The following BDP1 variants were observed in gnomAD, a reference collection of about 807,000 sequenced individuals.
BDP1 encodes the protein BDP1 general transcription factor IIIB subunit.
BDP1 carries 169 observed loss-of-function variants against 266.6 expected under a neutral mutation model. That is an observed-to-expected ratio of 0.63 (90% CI 0.56 to 0.72). BDP1 has a LOEUF of 0.72. Ranked by LOEUF, BDP1 falls within the 30% of genes least tolerant of loss-of-function variation. The probability of loss-of-function intolerance (pLI) is 0.00; values close to 1 mark genes in which losing one functional copy is unlikely to be tolerated. For synonymous variants in BDP1, 1,090 were observed against 1,022.4 expected (o/e 1.07, Z -1.26); for missense variants, 3,015 against 3,053.8 (o/e 0.99, Z 0.30).
At chr5:71,478,240 A>G (rs1024301621) in intron 7 of BDP1, among the ~76,000 whole-genome samples, 1 of 152,094 alleles carries the variant, frequency 6.6e-6, no homozygotes, top group Non-Finnish European at 1.5e-5. Context: ...CAAGAGCAAA[A>G]CTCTGTCTCA....
rs763552468 is a variant in BDP1, at chr5:71,548,748, A to G, written c.6808+3A>G. The G allele has an allele frequency of 3.4e-5, 54 of 1,577,878 alleles. No individual in the cohort carries two copies. The highest frequency in any genetic ancestry group is 1.7e-4 in the Middle Eastern group (1 of 6,006). On this transcript the variant is annotated splice_donor_region_variant and intron_variant, in intron 33 of 38. Coordinates refer to ENST00000358731, the MANE Select transcript of BDP1 (RefSeq NM_018429.3). ...AATCAATCCTCAAGACCTAACAGGT[A>G]TGATAATATGCTTCAGTGACATGTC...
At position 71,510,231 on chromosome 5, in the gene BDP1, C is replaced by T. The variant is rs996747338; in HGVS notation, c.3139C>T (p.Gln1047Ter). The T allele has an allele frequency of 1.2e-6, 2 of 1,612,030 alleles. No homozygotes were observed. The highest frequency in any genetic ancestry group is 1.7e-6 in the Non-Finnish European group (2 of 1,179,650). Reference protein sequence around the residue: ...LEETEREVSPQENGLEEVKPL... With the variant: ...LEETEREVSP ...AGAAACTGAAAGAGAAGTATCCCCA[C>T]AGGAAAATGGACTAGAGGAGGTCAA... Residue 1047 changes from glutamine to a stop codon, truncating the protein, a stop_gained, in exon 17 of 39, where the codon CAG (glutamine) becomes TAG (stop). Transcript: ENST00000358731. LOFTEE classifies it high-confidence loss of function.
At chr5:71,542,333 G>T (rs1767019468) in intron 30 of BDP1, 68 bp downstream of exon 30, 7 of 1,341,040 alleles carry the variant, frequency 5.2e-6, no homozygotes, top group Non-Finnish European at 7.2e-6. Context: ...ACATTTCAAA[G>T]AAATATTTGG....
chr5:71,550,676 G>A (rs1351819514), intron 34 of BDP1, among the ~76,000 whole-genome samples: 1 of 152,058 alleles, frequency 6.6e-6, no homozygotes, highest in Non-Finnish European at 1.5e-5. Flanking sequence ...TAAGATAATT[G>A]TCCATCGTGT....
chr5:71,473,487 G>A (rs1762394189), intron 7 of BDP1, among the ~76,000 whole-genome samples: 1 of 151,706 alleles, frequency 6.6e-6, no homozygotes. Context: ...TGTTAGCCAG[G>A]ATGATCCTAT....
rs192220280 is a variant in BDP1, at chr5:71,530,979, C to T, written c.5773-1329C>T. Among the ~76,000 whole-genome samples the T allele has an allele frequency of 5.3e-3, 805 of 152,076 alleles. 12 individuals are homozygous for T. The highest frequency in any genetic ancestry group is 0.018 in the African/African-American group (767 of 41,486). ...GTCCCAGCTACTTGGAGGGCTGAGG[C>T]GGGAGGATTGCTTGAGCCTGAGAGG... On this transcript the variant is annotated intron_variant, in intron 25 of 38. Transcript: ENST00000358731.
intron 13 of BDP1, among the ~76,000 whole-genome samples, chr5:71,501,271 G>A (rs976094574): frequency 2.0e-5 from 3 of 152,000 alleles, no homozygotes; most frequent in East Asian, 1.9e-4. Flanking sequence ...TACCTTTTGC[G>A]TTCAAAGAAT....
At chr5:71,489,720 T>C (rs1034473739) in intron 10 of BDP1, 38 bp downstream of exon 10, 5 of 1,536,972 alleles carry the variant, frequency 3.3e-6, no homozygotes, top group Non-Finnish European at 3.5e-6. Flanking sequence ...TCTATATTAC[T>C]TGAGAAGACA....
intron 26 of BDP1, among the ~76,000 whole-genome samples, chr5:71,536,500 G>C (rs976770419): frequency 1.3e-5 from 2 of 152,144 alleles, no homozygotes; most frequent in Non-Finnish European, 2.9e-5. Flanking sequence ...GACAGGGAGA[G>C]CCATGATCAA....
Position 71,542,230 on chromosome 5 carries a change from GT to G in BDP1, c.6378del (p.Cys2126TrpfsTer2). The G allele has an allele frequency of 6.2e-7, 1 of 1,612,884 alleles. No homozygotes were observed. Among genetic ancestry groups the G allele is most frequent in the Non-Finnish European group, 8.5e-7 (1 of 1,179,678 alleles). On this transcript the variant is annotated frameshift_variant, in exon 30 of 39. Coordinates refer to ENST00000358731, the MANE Select transcript of BDP1 (RefSeq NM_018429.3). LOFTEE classifies it high-confidence loss of function. ...LDDYQEVSSL[C>X]VTKGAEMETQ... ...GATTATCAGGAAGTTTCCAGTTTGT[GT>G]GTAACCAAAGGGGCAGAAATGGAAA...
rs558032020 is a variant in BDP1 at position 71,529,990 on chromosome 5, A to G, written c.5773-2318A>G. On this transcript the variant is annotated intron_variant, in intron 25 of 38. Coordinates refer to ENST00000358731, the MANE Select transcript of BDP1 (RefSeq NM_018429.3). The stretch of plus-strand genomic sequence containing the variant: ...AAATGTTCCACATTTGAATGTGGTG[A>G]TGATTGCACATATCTGTGAATATCC... 4.6e-5 allele frequency among the ~76,000 whole-genome samples: 7 copies of G among 152,346 alleles called. No individual in the cohort carries two copies. The South Asian group carries it at 1.2e-3, about 27-fold the overall frequency.
rs773131902 is a variant in BDP1, at chr5:71,545,155, C to G, written c.6680C>G (p.Ser2227Cys). 3.5e-5 allele frequency: 57 copies of G among 1,613,678 alleles called. No individual in the cohort carries two copies. The highest frequency in any genetic ancestry group is 4.7e-5 in the Non-Finnish European group (56 of 1,179,920). The stretch of plus-strand genomic sequence containing the variant: ...TTGGATAGGGGTCTTGGTGAAAATT[C>G]TGTTGAAGAGCCCCAGATAAAGGAC... ...LGLDRGLGEN[S>C]VEEPQIKDSK... The change falls in exon 32 of 39, where the codon TCT becomes TGT. Residue 2227 changes from serine (S) to cysteine (C), a missense_variant. This residue lies in a region of BDP1 where 629 missense variants were observed against 632.5 expected (regional missense o/e 0.99). Coordinates refer to ENST00000358731, the MANE Select transcript of BDP1 (RefSeq NM_018429.3).
intron 22 of BDP1, among the ~76,000 whole-genome samples, chr5:71,519,413 C>A (rs775368071): frequency 1.9e-4 from 29 of 152,256 alleles, no homozygotes; most frequent in Non-Finnish European, 3.1e-4. Flanking sequence ...CTTATTCCTT[C>A]TATCTAACTG....
At chr5:71,516,302 C>G (rs1765218418) in intron 21 of BDP1, 31 bp downstream of exon 21, 1 of 1,528,098 alleles carries the variant, frequency 6.5e-7, no homozygotes, top group Non-Finnish European at 9.0e-7. Context: ...TAAATTTAGC[C>G]TTTTAATGCA....
chr5:71,465,051 A>G (rs1425049448), intron 4 of BDP1, among the ~76,000 whole-genome samples: 1 of 151,554 alleles, frequency 6.6e-6, no homozygotes, highest in East Asian at 1.9e-4. Context: ...TTTTTTTCAT[A>G]GAGATAAGGT....
chr5:71,548,678 G>T lies in BDP1; in HGVS notation c.6745-4G>T. The T allele has an allele frequency of 1.3e-6, 2 of 1,593,680 alleles. No homozygotes were observed. The highest frequency in any genetic ancestry group is 2.2e-5 in the East Asian group (1 of 44,638). Reference sequence around the variant, plus strand: ...GACTCTTTCATTTTAATTTTTTATGGCAGTATACACCAACAAGTATTCCAG... The same window carrying T: ...GACTCTTTCATTTTAATTTTTTATGTCAGTATACACCAACAAGTATTCCAG... On this transcript the variant is annotated splice_region_variant and splice_polypyrimidine_tract_variant and intron_variant, in intron 32 of 38. Transcript: ENST00000358731.
At position 71,510,103 on chromosome 5, in the gene BDP1, C is replaced by T. The variant is rs1764816457; in HGVS notation, c.3011C>T (p.Pro1004Leu). The T allele has an allele frequency of 1.9e-6, 3 of 1,613,232 alleles. No individual in the cohort carries two copies. Among genetic ancestry groups the T allele is most frequent in the East Asian group, 2.2e-5 (1 of 44,756 alleles). ...GAAAATGGCCCAGAGGAGGTCAAGC[C>T]TGTAGATGAAATGGAGACAGATTTG... ...PRENGPEEVK[P>L]VDEMETDLNA... The change falls in exon 17 of 39, where the codon CCT becomes CTT. Residue 1004 changes from proline to leucine, a missense_variant. Pro to Leu is a moderately conservative substitution (Grantham distance 98). Coordinates refer to ENST00000358731, the MANE Select transcript of BDP1 (RefSeq NM_018429.3).
At chr5:71,552,688 C>G (rs921806864) in intron 34 of BDP1, among the ~76,000 whole-genome samples, 1 of 144,710 alleles carries the variant, frequency 6.9e-6, no homozygotes, top group African/African-American at 2.5e-5. Flanking sequence ...GGTGTGGTGT[C>G]GCGCGCCTGC....
In BDP1 at chr5:71,461,868, C is replaced by A. The variant is rs771046845; in HGVS notation, c.541C>A (p.Arg181Ser). Residue 181 changes from arginine to serine, a missense_variant, in exon 3 of 39, where the codon CGT (arginine) becomes AGT (serine). Physicochemically the swap from Arg to Ser is moderately radical, Grantham distance 110. Around this residue, in one of 3 missense-constraint regions of BDP1, gnomAD observed 2,383 missense variants for 2,404.9 expected, o/e 0.99. Transcript: ENST00000358731. ...AINESQRPPD[R>S]SKMTMRDFIY... is the part of the protein sequence containing the mutation. ...AAATGAAAGTCAGAGGCCACCAGATCGTTCAAAAATGACTATGAGAGACTT... is the reference window on the plus strand; with the variant it reads ...AAATGAAAGTCAGAGGCCACCAGATAGTTCAAAAATGACTATGAGAGACTT... 2 of 1,607,130 alleles carry A rather than the reference C, an allele frequency of 1.2e-6. No individual in the cohort carries two copies. The highest frequency in any genetic ancestry group is 1.7e-5 in the Admixed American group (1 of 59,408).
Sources: gnomAD v4.1 joint callset for allele counts (sites outside exome capture counted in the v4.1 genomes callset) on GRCh38, gnomAD v4.1.1 for gene constraint, gnomAD v4.1.1 regional missense constraint, MANE v1.5 for transcripts, NCBI Gene and HGNC (gene_info 2026-07-23, HGNC 2026-07-21) for gene names.